Variants in FUT8 observed in about 807,000 individuals in gnomAD.
FUT8 encodes fucosyltransferase 8, also known as alpha-(1,6)-fucosyltransferase.
A neutral mutation model predicts 71.3 loss-of-function variants in FUT8; 29 were observed. The observed-to-expected ratio is 0.41, with a 90% CI of 0.30 to 0.55. The LOEUF is 0.55. Among genes scored for constraint, FUT8 ranks in the 20% least tolerant of loss-of-function variants. The probability of loss-of-function intolerance (pLI) is 0.34; values close to 1 mark genes in which losing one functional copy is unlikely to be tolerated. For missense variants in FUT8, 544 were observed against 702.1 expected (o/e 0.77, Z 2.55); for synonymous variants, 254 against 239.3 (o/e 1.06, Z -0.57).
chr14:65,534,455 T>A (rs1212838344), intron 2 of FUT8, among the ~76,000 whole-genome samples: 1 of 151,958 alleles, frequency 6.6e-6, no homozygotes, highest in African/African-American at 2.4e-5. Context: ...TACCCTCAAT[T>A]TTTTTGTAAT....
chr14:65,724,092 C>T (rs1895559425), intron 8 of FUT8, 55 bp from the exon 9 acceptor site: 16 of 1,337,874 alleles, frequency 1.2e-5, no homozygotes, highest in Non-Finnish European at 1.6e-5. Flanking sequence ...AATTGAGTAC[C>T]CTCAAAGCAC....
chr14:65,512,430 G>A (rs975338978), intron 2 of FUT8, among the ~76,000 whole-genome samples: 2 of 152,098 alleles, frequency 1.3e-5, no homozygotes. Context: ...CTCCCAAAGT[G>A]CTGGAATTAT....
chr14:65,563,468 G>T (rs1434853584), intron 3 of FUT8, among the ~76,000 whole-genome samples: 1 of 151,966 alleles, frequency 6.6e-6, no homozygotes, highest in African/African-American at 2.4e-5. Context: ...CCAGTAGTAT[G>T]ACTCCACAAC....
intron 2 of FUT8, chr14:65,458,071 A>G (rs1594651656): frequency 1.3e-5 from 2 of 151,514 alleles, no homozygotes; most frequent in East Asian, 2.0e-4. Flanking sequence ...AGTCCCAGCT[A>G]CTTAGGAGGC....
intron 3 of FUT8, among the ~76,000 whole-genome samples, chr14:65,589,441 C>CTTTTTT (rs35606286): frequency 4.1e-4 from 45 of 109,944 alleles, no homozygotes; most frequent in East Asian, 2.8e-3. Flanking sequence ...TGCCTTAAAT[C>CTTTTTT]TTTTTTTTTT....
chr14:65,688,303 A>G (rs1893400860), intron 7 of FUT8, among the ~76,000 whole-genome samples: 1 of 151,252 alleles, frequency 6.6e-6, no homozygotes, highest in South Asian at 2.1e-4. Context: ...AATCTCCACA[A>G]TTTTGCTTTT....
chr14:65,446,051 C>T (rs112587063), intron 1 of FUT8, among the ~76,000 whole-genome samples: 16 of 152,330 alleles, frequency 1.1e-4, no homozygotes, highest in African/African-American at 3.4e-4. Flanking sequence ...TAATGCTGTT[C>T]ATTGGTTTTA....
intron 2 of FUT8, among the ~76,000 whole-genome samples, chr14:65,481,755 A>T (rs1251271658): frequency 6.6e-6 from 1 of 151,908 alleles, no homozygotes; most frequent in Non-Finnish European, 1.5e-5. Context: ...GTGTTTATTT[A>T]TCCTTTGTAT....
At chr14:65,375,476 C>T in the FUT8 span, among the ~76,000 whole-genome samples, 1 of 151,980 alleles carries the variant, frequency 6.6e-6, no homozygotes, top group African/African-American at 2.4e-5. Flanking sequence ...TTAAAATTAG[C>T]TGGTTGTGGT....
upstream of FUT8, among the ~76,000 whole-genome samples, chr14:65,409,267 TCAGAATGCTTCCATGG>T (rs2065100250): frequency 6.6e-6 from 1 of 152,228 alleles, no homozygotes; most frequent in Non-Finnish European, 1.5e-5. This position sits in a 1 kb window ranked among gnomAD's most constrained non-coding sequence, Gnocchi z 5.4. Flanking sequence ...TAACAATTAT[TCAGAATGCTTCCATGG>T]CTGACAGTCA....
chr14:65,599,414 A>G (rs550461541), intron 3 of FUT8, among the ~76,000 whole-genome samples: 1 of 152,318 alleles, frequency 6.6e-6, no homozygotes, highest in African/African-American at 2.4e-5. Context: ...AAAGGAGGCA[A>G]AAGTTCCTTT....
chr14:65,583,325 G>A (rs1183016831), intron 3 of FUT8, among the ~76,000 whole-genome samples: 2 of 152,048 alleles, frequency 1.3e-5, no homozygotes, highest in Non-Finnish European at 2.9e-5. Context: ...GAGACCACAG[G>A]CACATGCCAT....
At chr14:65,445,949 T>A (rs898314406) in intron 1 of FUT8, among the ~76,000 whole-genome samples, 4 of 152,232 alleles carry the variant, frequency 2.6e-5, no homozygotes, top group Non-Finnish European at 5.9e-5. Flanking sequence ...CATATTAAAA[T>A]AATTAGCACT....
chr14:65,466,081 T>A (rs1046494707), intron 2 of FUT8, among the ~76,000 whole-genome samples: 1 of 152,312 alleles, frequency 6.6e-6, no homozygotes, highest in East Asian at 1.9e-4. Context: ...CTTTCTGAAA[T>A]TTTTATAGCC....
At chr14:65,703,962 ACT>A (rs1894438704) in intron 7 of FUT8, among the ~76,000 whole-genome samples, 1 of 151,850 alleles carries the variant, frequency 6.6e-6, no homozygotes, top group Non-Finnish European at 1.5e-5. Context: ...CTTTAACATG[ACT>A]CTGCGTTTTC....
At position 65,742,398 on chromosome 14, in the gene FUT8, G is replaced by C. The variant is rs1896548809; in HGVS notation, c.1716G>C (p.Glu572Asp). 1 of 1,610,538 alleles carries C rather than the reference G, an allele frequency of 6.2e-7. No individual in the cohort carries two copies. Among genetic ancestry groups the C allele is most frequent in the African/African-American group, 1.3e-5 (1 of 74,686 alleles). Residue 572 changes from glutamate to aspartate, a missense_variant, in exon 11 of 11, where the codon GAG becomes GAC. Glu to Asp is a conservative substitution (Grantham distance 45). Coordinates refer to ENST00000673929, the MANE Select transcript of FUT8 (RefSeq NM_001371533.1). ...IETVKYPTYP[E>D]AEK ...CGGTCAAGTACCCCACATATCCTGA[G>C]GCTGAGAAATAAAGCTCAGATGGAA...
intron 2 of FUT8, chr14:65,458,085 G>A (rs1342189574): frequency 6.6e-6 from 1 of 151,704 alleles, no homozygotes; most frequent in African/African-American, 2.4e-5. Context: ...AGGAGGCTGA[G>A]GCAGGAGAAT....
intron 1 of FUT8, among the ~76,000 whole-genome samples, chr14:65,420,699 C>T (rs1425368313): frequency 6.6e-6 from 1 of 151,824 alleles, no homozygotes; most frequent in Non-Finnish European, 1.5e-5. Flanking sequence ...TATAGTTCAC[C>T]CTTGAACAGC....
intron 10 of FUT8, among the ~76,000 whole-genome samples, chr14:65,737,978 C>T (rs774693808): frequency 3.9e-5 from 6 of 152,094 alleles, no homozygotes; most frequent in Non-Finnish European, 7.4e-5. Context: ...TGAGATGTGG[C>T]TCATGAAACA....
Sources: gnomAD v4.1 joint callset for allele counts (sites outside exome capture counted in the v4.1 genomes callset) on GRCh38, gnomAD v4.1.1 for gene constraint, Gnocchi (gnomAD v3.1) non-coding constraint, MANE v1.5 for transcripts, NCBI Gene and HGNC (gene_info 2026-07-23, HGNC 2026-07-21) for gene names.